The following PRCD variants were observed in gnomAD, a reference collection of about 807,000 sequenced individuals.
The protein encoded by PRCD is photoreceptor disc component.
A neutral mutation model predicts 10.1 loss-of-function variants in PRCD; 12 were observed. The observed-to-expected ratio is 1.18, with a 90% CI of 0.76 to 1.92. PRCD has a LOEUF of 1.92. Ranked by LOEUF, PRCD falls within the 40% of genes most tolerant of loss-of-function variation. PRCD has a pLI of 0.00. For missense variants in PRCD, 61 were observed against 72.2 expected (o/e 0.84, Z 0.56); for synonymous variants, 31 against 26.2 (o/e 1.18, Z -0.56).
At chr17:76,527,616 G>T (rs961765455), upstream of PRCD, 7 of 453,430 alleles carry the variant, frequency 1.5e-5, no homozygotes, top group Non-Finnish European at 3.1e-5. Context: ...GCCAGGAGGA[G>T]GGTGGGGTGG....
upstream of PRCD, chr17:76,537,998 C>A (rs1261873161): frequency 1.3e-5 from 2 of 149,890 alleles, no homozygotes; most frequent in Non-Finnish European, 3.0e-5. Flanking sequence ...GGTCACGCGG[C>A]GCTGGGCGGC....
Position 76,544,367 on chromosome 17 carries a change from A to G in PRCD, c.*717A>G. On this transcript the variant is annotated 3_prime_UTR_variant, in exon 5 of 5. Coordinates refer to ENST00000592014, the MANE Select transcript of PRCD (RefSeq NM_001077620.3). Reference sequence around the variant, plus strand: ...TCTGCCTCTGAAGGGAAGGAAGGGAAAGGGTGAGGGATGCCGCAGAGCAGA... The same window carrying G: ...TCTGCCTCTGAAGGGAAGGAAGGGAGAGGGTGAGGGATGCCGCAGAGCAGA... The G allele has an allele frequency of 2.2e-6, 1 of 454,736 alleles. No individual in the cohort carries two copies. Among genetic ancestry groups the G allele is most frequent in the South Asian group, 1.6e-5 (1 of 64,486 alleles). 28.2% of individuals were successfully genotyped at this position (454,736 alleles called of 1,614,324 possible).
chr17:76,547,807 GACACACATTCACACACACACACACA>G (rs536046764), downstream of PRCD, among the ~76,000 whole-genome samples: 1 of 142,978 alleles, frequency 7.0e-6, no homozygotes, highest in East Asian at 2.1e-4. Context: ...CATTCACAGA[GACACACATTCACACACACACACACA>G]ACACACATTC....
chr17:76,544,709 C>T lies in PRCD; in HGVS notation c.*1059C>T, dbSNP rs963150875. On this transcript the variant is annotated 3_prime_UTR_variant, in exon 5 of 5. Coordinates refer to ENST00000592014, the MANE Select transcript of PRCD (RefSeq NM_001077620.3). ...AGGCTGAGGGCCAGAGGGCACTGTTCCCGGGACCCAGTCTGTGTTCCCCGA... is the reference window on the plus strand; with the variant it reads ...AGGCTGAGGGCCAGAGGGCACTGTTTCCGGGACCCAGTCTGTGTTCCCCGA... 4.4e-6 allele frequency: 2 copies of T among 456,692 alleles called. No individual in the cohort carries two copies. The highest frequency in any genetic ancestry group is 4.0e-5 in the African/African-American group (2 of 50,098). The allele number at this position is 456,692 out of a possible 1,614,324, so 28.3% of individuals were successfully genotyped here.
downstream of PRCD, chr17:76,546,450 T>TGTG (rs59245044): frequency 0.23 from 34,021 of 149,528 alleles, 4,085 homozygotes; most frequent in South Asian, 0.39. The surrounding 1 kb of genome is among the most constrained non-coding windows in gnomAD (Gnocchi z 4.5). Flanking sequence ...TGTGTGTGGT[T>TGTG]TGTGTGTGTG....
chr17:76,548,014 AC>A (rs1400024940), downstream of PRCD, among the ~76,000 whole-genome samples: 6 of 152,232 alleles, frequency 3.9e-5, no homozygotes, highest in Admixed American at 6.5e-5. Flanking sequence ...TCACACATAC[AC>A]ATGCATACAC....
intron 2 of PRCD, among the ~76,000 whole-genome samples, chr17:76,541,420 G>T (rs1364193244): frequency 6.6e-6 from 1 of 152,204 alleles, no homozygotes; most frequent in Non-Finnish European, 1.5e-5. Flanking sequence ...GAAGACTCAG[G>T]TGGCGGGTAC....
In PRCD at chr17:76,545,108, T is replaced by C. The variant is rs909412237; in HGVS notation, c.*1458T>C. 7 of 455,756 alleles carry C rather than the reference T, an allele frequency of 1.5e-5. No individual in the cohort carries two copies. Among genetic ancestry groups the C allele is most frequent in the Non-Finnish European group, 2.6e-5 (6 of 226,664 alleles). The allele number at this position is 455,756 out of a possible 1,614,324, so 28.2% of individuals were successfully genotyped here. A position where few individuals can be genotyped will look rare whatever the true frequency, so the allele number is the denominator to read the frequency against. ...GCAGGCTGGCTTTGGTGGGAGCAGA[T>C]TGTGTTTACACCTTCCCCGCACACC... On this transcript the variant is annotated 3_prime_UTR_variant, in exon 5 of 5. Coordinates refer to ENST00000592014, the MANE Select transcript of PRCD (RefSeq NM_001077620.3).
At chr17:76,551,798 C>T (rs1420825268) in intron 1 of PRCD, 1 of 152,034 alleles carries the variant, frequency 6.6e-6, no homozygotes, top group African/African-American at 2.4e-5. Context: ...GGCATGGTGG[C>T]TGAGACCATG....
chr17:76,545,563 G>C (rs755123434), downstream of PRCD: 2 of 349,050 alleles, frequency 5.7e-6, no homozygotes, highest in Admixed American at 7.5e-5. Flanking sequence ...AAGAGTCCAA[G>C]AGCAAGGTGT....
chr17:76,539,472 T>C (rs1490056100), upstream of PRCD, among the ~76,000 whole-genome samples: 4 of 152,184 alleles, frequency 2.6e-5, no homozygotes, highest in East Asian at 1.9e-4. Context: ...TCAGAAAAGT[T>C]TGGAGAGGAT....
chr17:76,529,054 C>G, intron 1 of PRCD: 2 of 356,654 alleles, frequency 5.6e-6, no homozygotes, highest in East Asian at 3.5e-4. Context: ...GCCCCCCCCC[C>G]ACCCCCCACC....
At chr17:76,542,434 G>T in intron 2 of PRCD, 119 bp from the exon 3 acceptor site, 2 of 1,155,772 alleles carry the variant, frequency 1.7e-6, no homozygotes, top group Non-Finnish European at 1.3e-6. Context: ...TTCCTTAGGT[G>T]GTCCTGCCCC....
In PRCD at chr17:76,540,529, A is replaced by G. The variant is rs760532713; in HGVS notation, c.99A>G (p.Ala33=). 1 of 1,613,536 alleles carries G rather than the reference A, an allele frequency of 6.2e-7. No homozygotes were observed. Among genetic ancestry groups the G allele is most frequent in the Admixed American group, 1.7e-5 (1 of 60,004 alleles). Residue 33 remains alanine, a synonymous_variant, in exon 2 of 5, where the codon GCA becomes GCG. Coordinates refer to ENST00000592014, the MANE Select transcript of PRCD (RefSeq NM_001077620.3). This position sits in a 1 kb window ranked among gnomAD's most constrained non-coding sequence, Gnocchi z 5.0. ...VQPEPSDVDG[A]ARGSSLDADP... ...GAGAGCCCAGCGACGTGGATGGGGC[A>G]GCTAGGGGCAGCAGCTTGGATGCGG...
At chr17:76,546,128 T>G (rs2075050650), downstream of PRCD, 1 of 152,390 alleles carries the variant, frequency 6.6e-6, no homozygotes, top group South Asian at 2.1e-4. This position sits in a 1 kb window ranked among gnomAD's most constrained non-coding sequence, Gnocchi z 4.5. Context: ...GCTGCCCTGC[T>G]GTGGTACCTT....
chr17:76,537,356 C>G (rs114197491), upstream of PRCD: 2,180 of 1,541,568 alleles, frequency 1.4e-3, 24 homozygotes, highest in African/African-American at 0.027. Context: ...GGAGCCGCTG[C>G]CGCCCTCCCT....
intron 1 of PRCD, among the ~76,000 whole-genome samples, chr17:76,532,426 T>A (rs2074856090): frequency 6.6e-6 from 1 of 152,124 alleles, no homozygotes; most frequent in African/African-American, 2.4e-5. Flanking sequence ...TCAGGTGACC[T>A]TCCCTGCCCT....
intron 4 of PRCD, 116 bp from the exon 5 acceptor site, chr17:76,543,687 T>C (rs2075019005): frequency 4.4e-6 from 2 of 454,722 alleles, no homozygotes; most frequent in Admixed American, 4.8e-5. Context: ...TTTGCTGGCC[T>C]GGCCAACTGC....
chr17:76,537,279 A>G, upstream of PRCD: 5 of 1,180,522 alleles, frequency 4.2e-6, no homozygotes, highest in Non-Finnish European at 5.5e-6. Flanking sequence ...CCGACCTCGG[A>G]CCGGCCCCAT....
Sources: gnomAD v4.1 joint callset for allele counts (sites outside exome capture counted in the v4.1 genomes callset) on GRCh38, gnomAD v4.1.1 for gene constraint, Gnocchi (gnomAD v3.1) non-coding constraint, MANE v1.5 for transcripts, NCBI Gene and HGNC (gene_info 2026-07-23, HGNC 2026-07-21) for gene names.